The following HS6ST3 variants were observed in gnomAD, a reference collection of about 807,000 sequenced individuals.
HS6ST3 encodes heparan sulfate 6-O-sulfotransferase 3, also known as heparan-sulfate 6-O-sulfotransferase 3.
In HS6ST3, 12 loss-of-function variants were observed where a neutral mutation model predicts 36.7. The ratio of observed to expected loss-of-function variants is 0.33; its 90% CI spans 0.21 to 0.53. The LOEUF is 0.53. Among genes scored for constraint, HS6ST3 ranks in the 20% least tolerant of loss-of-function variants. The pLI, the probability that HS6ST3 is intolerant of heterozygous loss-of-function variation, is 0.95. For synonymous variants in HS6ST3, 240 were observed against 257.5 expected (o/e 0.93, Z 0.65); for missense variants, 584 against 640.9 (o/e 0.91, Z 0.96).
chr13:96,091,675 C>T, intron 1 of HS6ST3, 106 bp downstream of exon 1: 1 of 1,417,566 alleles, frequency 7.1e-7, no homozygotes, highest in African/African-American at 1.4e-5. Context: ...CGATGGTTTC[C>T]TGGCGTCTTC....
chr13:96,112,237 A>T (rs866275337), intron 1 of HS6ST3, among the ~76,000 whole-genome samples: 1 of 152,314 alleles, frequency 6.6e-6, no homozygotes. Context: ...TTAGAAACAC[A>T]GCAAACTCTT....
intron 1 of HS6ST3, among the ~76,000 whole-genome samples, chr13:96,300,652 A>G (rs2054877672): frequency 1.3e-5 from 2 of 152,184 alleles, no homozygotes; most frequent in African/African-American, 4.8e-5. Flanking sequence ...GCTTTTAAAA[A>G]TCAAGTCACT....
At chr13:96,788,692 T>C (rs953414908) in intron 1 of HS6ST3, among the ~76,000 whole-genome samples, 6 of 151,880 alleles carry the variant, frequency 4.0e-5, no homozygotes, top group Admixed American at 3.9e-4. Context: ...TGCTTCATGT[T>C]TTTTGAAGTT....
At chr13:96,806,145 A>G (rs1388399149) in intron 1 of HS6ST3, among the ~76,000 whole-genome samples, 1 of 152,238 alleles carries the variant, frequency 6.6e-6, no homozygotes, top group Non-Finnish European at 1.5e-5. Context: ...TATCTTATCA[A>G]TGTGGTGGAA....
At chr13:96,626,387 C>A (rs1385007119) in intron 1 of HS6ST3, among the ~76,000 whole-genome samples, 4 of 152,126 alleles carry the variant, frequency 2.6e-5, no homozygotes, top group Non-Finnish European at 5.9e-5. Flanking sequence ...TACCCTTTCT[C>A]CACAGTTTTG....
At chr13:96,256,952 T>A (rs2054640336) in intron 1 of HS6ST3, among the ~76,000 whole-genome samples, 1 of 152,172 alleles carries the variant, frequency 6.6e-6, no homozygotes, top group Non-Finnish European at 1.5e-5. Context: ...GGTCTCTCTA[T>A]TTGTGGTTGA....
At chr13:96,821,255 C>T (rs1242535740) in intron 1 of HS6ST3, among the ~76,000 whole-genome samples, 1 of 152,196 alleles carries the variant, frequency 6.6e-6, no homozygotes, top group East Asian at 1.9e-4. Flanking sequence ...CATCCCTGGC[C>T]TTGCAAGATG....
intron 1 of HS6ST3, among the ~76,000 whole-genome samples, chr13:96,447,553 CG>C (rs2055705136): frequency 6.6e-6 from 1 of 152,188 alleles, no homozygotes; most frequent in African/African-American, 2.4e-5. Context: ...CCAAACATGG[CG>C]ATTCCTGCTG....
chr13:96,515,794 T>C (rs2056069948), intron 1 of HS6ST3, among the ~76,000 whole-genome samples: 1 of 152,176 alleles, frequency 6.6e-6, no homozygotes, highest in South Asian at 2.1e-4. Flanking sequence ...GAACTGTGAG[T>C]TAATTAAACA....
At chr13:96,507,419 G>C (rs2056030832) in intron 1 of HS6ST3, among the ~76,000 whole-genome samples, 1 of 152,078 alleles carries the variant, frequency 6.6e-6, no homozygotes, top group African/African-American at 2.4e-5. Flanking sequence ...ATCTCTTTCT[G>C]AGATCCTAAG....
chr13:96,575,915 G>T (rs2056318933), intron 1 of HS6ST3, among the ~76,000 whole-genome samples: 1 of 152,230 alleles, frequency 6.6e-6, no homozygotes, highest in South Asian at 2.1e-4. Context: ...CCTGACACTG[G>T]TTTTCAACAA....
intron 1 of HS6ST3, among the ~76,000 whole-genome samples, chr13:96,393,189 T>C (rs1466096423): frequency 6.6e-6 from 1 of 152,082 alleles, no homozygotes; most frequent in African/African-American, 2.4e-5. Context: ...GAAGTGTGAG[T>C]CCATTAAACC....
intron 1 of HS6ST3, among the ~76,000 whole-genome samples, chr13:96,112,634 G>C (rs1743691179): frequency 2.2e-5 from 2 of 90,278 alleles, no homozygotes; most frequent in South Asian, 8.2e-4. Context: ...CCCGGCTGGT[G>C]GTGTACACCT....
chr13:96,624,293 T>G (rs1286951210), intron 1 of HS6ST3, among the ~76,000 whole-genome samples: 1 of 152,172 alleles, frequency 6.6e-6, no homozygotes, highest in Non-Finnish European at 1.5e-5. Flanking sequence ...CCTTCAAAGG[T>G]AACACTTCTG....
intron 1 of HS6ST3, among the ~76,000 whole-genome samples, chr13:96,475,660 C>G (rs1223869384): frequency 6.7e-6 from 1 of 148,532 alleles, no homozygotes; most frequent in African/African-American, 2.5e-5. Context: ...CTAAATTGTT[C>G]TGAATTTAGT....
At chr13:96,204,792 C>G (rs113243555) in intron 1 of HS6ST3, among the ~76,000 whole-genome samples, 42 of 152,228 alleles carry the variant, frequency 2.8e-4, no homozygotes, top group African/African-American at 9.6e-4. Flanking sequence ...TTATTGGAAA[C>G]TAATGAGAAC....
chr13:96,615,316 C>T lies in HS6ST3; in HGVS notation c.708-217174C>T, dbSNP rs544838678. Among the ~76,000 whole-genome samples the T allele has an allele frequency of 5.9e-5, 9 of 152,286 alleles. No individual in the cohort carries two copies. In the South Asian group the frequency reaches 1.5e-3, roughly 25 times the overall value. On this transcript the variant is annotated intron_variant, in intron 1 of 1. Transcript: ENST00000376705. ...GTAGTTCAGAATTCCATGTACATAT[C>T]CCTGATTCTCTTTTTACCCACCCTT...
At chr13:96,133,325 A>G (rs1317143561) in intron 1 of HS6ST3, among the ~76,000 whole-genome samples, 2 of 151,864 alleles carry the variant, frequency 1.3e-5, no homozygotes, top group Non-Finnish European at 2.9e-5. Context: ...ATGGAGTTTT[A>G]CTATGTTGGC....
chr13:96,439,482 A>G (rs2055659567), intron 1 of HS6ST3, among the ~76,000 whole-genome samples: 1 of 152,252 alleles, frequency 6.6e-6, no homozygotes, highest in African/African-American at 2.4e-5. Flanking sequence ...AATCACAGCG[A>G]GGAGACAGCA....
Sources: allele counts gnomAD v4.1 joint callset (sites outside exome capture counted in the v4.1 genomes callset), GRCh38; gene constraint gnomAD v4.1.1; transcripts MANE v1.5; gene names NCBI Gene and HGNC (gene_info 2026-07-23, HGNC 2026-07-21).